GPC5: variants seen among roughly 807,000 people sequenced by gnomAD.
GPC5 encodes the protein glypican 5.
A neutral mutation model predicts 53.9 loss-of-function variants in GPC5; 47 were observed. The ratio of observed to expected loss-of-function variants is 0.87; its 90% CI spans 0.69 to 1.11. The LOEUF (loss-of-function observed/expected upper bound fraction) is 1.11. Among genes scored for constraint, GPC5 ranks in the 50% most tolerant of loss-of-function variants. GPC5 has a pLI of 0.00. For synonymous variants in GPC5, 286 were observed against 263.3 expected (o/e 1.09, Z -0.84); for missense variants, 748 against 713.1 (o/e 1.05, Z -0.56).
At chr13:91,659,301 G>A (rs1380447848) in intron 2 of GPC5, among the ~76,000 whole-genome samples, 5 of 152,182 alleles carry the variant, frequency 3.3e-5, no homozygotes, top group Non-Finnish European at 7.3e-5. Flanking sequence ...GATTTTCAGG[G>A]CAGTAGCGAA....
At chr13:91,659,590 T>C (rs1037237537) in intron 2 of GPC5, among the ~76,000 whole-genome samples, 17 of 152,210 alleles carry the variant, frequency 1.1e-4, no homozygotes, top group African/African-American at 4.1e-4. Context: ...TTACAATATA[T>C]GTGAAAATAG....
intron 7 of GPC5, among the ~76,000 whole-genome samples, chr13:92,565,174 C>A: frequency 6.6e-6 from 1 of 151,910 alleles, no homozygotes; most frequent in African/African-American, 2.4e-5. Flanking sequence ...TTAAAGAATA[C>A]GTAAATATTT....
intron 7 of GPC5, among the ~76,000 whole-genome samples, chr13:92,848,040 C>T (rs1272684102): frequency 6.6e-6 from 1 of 152,096 alleles, no homozygotes; most frequent in Admixed American, 6.6e-5. Context: ...GACGCCCTGC[C>T]GTAGAACTGA....
chr13:91,689,634 A>C (rs2035712440), intron 2 of GPC5, among the ~76,000 whole-genome samples: 1 of 149,520 alleles, frequency 6.7e-6, no homozygotes, highest in African/African-American at 2.5e-5. Flanking sequence ...TTATTTTTTT[A>C]CTTTTTAAAC....
At chr13:91,831,736 C>A (rs2038662255) in intron 5 of GPC5, among the ~76,000 whole-genome samples, 2 of 151,750 alleles carry the variant, frequency 1.3e-5, no homozygotes, top group South Asian at 4.1e-4. Flanking sequence ...AGAAAATTAG[C>A]AGGTTTTTCA....
chr13:92,039,084 A>T (rs2040921299), intron 6 of GPC5, among the ~76,000 whole-genome samples: 2 of 152,232 alleles, frequency 1.3e-5, no homozygotes, highest in Non-Finnish European at 2.9e-5. Flanking sequence ...AGAGCAATTT[A>T]GGAAGTGTAG....
intron 5 of GPC5, among the ~76,000 whole-genome samples, chr13:91,859,484 GA>G (rs1002465112): frequency 6.6e-6 from 1 of 151,886 alleles, no homozygotes; most frequent in African/African-American, 2.4e-5. Flanking sequence ...TATAGACATT[GA>G]AAAATCCACA....
intron 7 of GPC5, among the ~76,000 whole-genome samples, chr13:92,218,849 C>G (rs1477202188): frequency 6.6e-6 from 1 of 152,214 alleles, no homozygotes; most frequent in South Asian, 2.1e-4. Flanking sequence ...AATCCTTAGG[C>G]AAAAACCTCT....
intron 4 of GPC5, among the ~76,000 whole-genome samples, chr13:91,738,492 A>C (rs897545253): frequency 2.0e-5 from 3 of 151,234 alleles, no homozygotes; most frequent in Non-Finnish European, 4.4e-5. Context: ...GGAATATTTA[A>C]TCCTTTTGTA....
intron 6 of GPC5, among the ~76,000 whole-genome samples, chr13:91,912,193 T>G (rs969230173): frequency 6.6e-6 from 1 of 152,174 alleles, no homozygotes; most frequent in African/African-American, 2.4e-5. Context: ...TTGGGCACCT[T>G]GTATATACTT....
intron 3 of GPC5, among the ~76,000 whole-genome samples, chr13:91,719,437 G>C (rs1280799972): frequency 1.3e-5 from 2 of 152,184 alleles, no homozygotes; most frequent in Non-Finnish European, 2.9e-5. Context: ...ATTCCAACCT[G>C]TGTGTCTGAT....
intron 7 of GPC5, among the ~76,000 whole-genome samples, chr13:92,652,433 T>C (rs1566343696): frequency 6.6e-6 from 1 of 152,136 alleles, no homozygotes; most frequent in Admixed American, 6.6e-5. Flanking sequence ...AATTTCCTGA[T>C]TTCATTATTT....
chr13:91,587,203 T>C (rs1225803440), intron 2 of GPC5, among the ~76,000 whole-genome samples: 1 of 152,158 alleles, frequency 6.6e-6, no homozygotes, highest in East Asian at 1.9e-4. Context: ...TTTTAGGCTA[T>C]TTATAGTGTT....
chr13:91,869,704 T>C (rs1214840925), intron 5 of GPC5, among the ~76,000 whole-genome samples: 1 of 152,108 alleles, frequency 6.6e-6, no homozygotes, highest in Admixed American at 6.5e-5. Flanking sequence ...GTAGCACTTA[T>C]AAAGAAAAGA....
intron 2 of GPC5, among the ~76,000 whole-genome samples, chr13:91,538,885 A>G (rs1180084089): frequency 4.1e-5 from 6 of 146,444 alleles, no homozygotes; most frequent in Non-Finnish European, 7.5e-5. Context: ...CACCGTGCCC[A>G]GCCCCATTGC....
At chr13:92,407,147 G>C (rs1875829423) in intron 7 of GPC5, among the ~76,000 whole-genome samples, 1 of 152,094 alleles carries the variant, frequency 6.6e-6, no homozygotes, top group Non-Finnish European at 1.5e-5. Flanking sequence ...TTTTGCAACA[G>C]GGAGACAGAA....
chr13:91,784,122 G>A (rs527979099), intron 5 of GPC5, among the ~76,000 whole-genome samples: 58 of 152,246 alleles, frequency 3.8e-4, no homozygotes, highest in African/African-American at 1.4e-3. Context: ...TGAGGAACAT[G>A]TACTGCCATA....
At chr13:91,977,724 A>G (rs1780422680) in intron 6 of GPC5, among the ~76,000 whole-genome samples, 1 of 152,174 alleles carries the variant, frequency 6.6e-6, no homozygotes. Context: ...TTCTATGCAA[A>G]CATACTTTGT....
chr13:92,752,393 A>T (rs1366539669), intron 7 of GPC5, among the ~76,000 whole-genome samples: 1 of 152,206 alleles, frequency 6.6e-6, no homozygotes, highest in Non-Finnish European at 1.5e-5. Context: ...CATTGCTTGT[A>T]GAGACAATGG....
Sources: allele counts gnomAD v4.1 joint callset (sites outside exome capture counted in the v4.1 genomes callset), GRCh38; gene constraint gnomAD v4.1.1; transcripts MANE v1.5; gene names NCBI Gene and HGNC (gene_info 2026-07-23, HGNC 2026-07-21).